The following GLIS3 variants were observed in gnomAD, a reference collection of about 807,000 sequenced individuals.
The protein encoded by GLIS3 is zinc finger protein GLIS3.
GLIS3 carries 53 observed loss-of-function variants against 78.6 expected under a neutral mutation model. The observed-to-expected ratio is 0.67, with a 90% confidence interval of 0.54 to 0.85. GLIS3 has a LOEUF of 0.85. GLIS3 is among the 40% of genes least tolerant of loss of function. GLIS3 has a pLI of 0.00. For missense variants in GLIS3, 1,703 were observed against 1,231.1 expected (o/e 1.38, Z -5.74); for synonymous variants, 684 against 509.9 (o/e 1.34, Z -4.60).
At chr9:4,274,346 G>T (rs1176237546) in intron 2 of GLIS3, among the ~76,000 whole-genome samples, 1 of 152,196 alleles carries the variant, frequency 6.6e-6, no homozygotes, top group African/African-American at 2.4e-5. Context: ...CTCTGGACTT[G>T]TTGGGGTGTT....
rs1587295598 is a variant in GLIS3, at chr9:4,282,847, C to G, written c.388+3191G>C. Among the ~76,000 whole-genome samples the G allele has an allele frequency of 2.0e-5, 3 of 152,262 alleles. 1 individual carries two copies. On this transcript the variant is annotated intron_variant, in intron 2 of 10. Coordinates refer to ENST00000381971, the MANE Select transcript of GLIS3 (RefSeq NM_001042413.2). ...AACCCACAAGAGTCCCATGTTCCATCAGCGTCCTCAAAATGGATCCAAACT... is the reference window on the plus strand; with the variant it reads ...AACCCACAAGAGTCCCATGTTCCATGAGCGTCCTCAAAATGGATCCAAACT...
At chr9:4,113,251 A>G (rs1021223090) in intron 4 of GLIS3, among the ~76,000 whole-genome samples, 1 of 152,118 alleles carries the variant, frequency 6.6e-6, no homozygotes, top group Non-Finnish European at 1.5e-5. Flanking sequence ...TGACTTATCT[A>G]TGGACAGTTA....
intron 4 of GLIS3, among the ~76,000 whole-genome samples, chr9:3,994,946 G>A (rs774459456): frequency 1.2e-4 from 18 of 152,214 alleles, no homozygotes; most frequent in Non-Finnish European, 2.2e-4. Flanking sequence ...GGAGCAGAGA[G>A]CAAGAGTTGG....
At chr9:4,380,804 G>C in the GLIS3 span, among the ~76,000 whole-genome samples, 11 of 152,172 alleles carry the variant, frequency 7.2e-5, no homozygotes, top group South Asian at 4.1e-4. Flanking sequence ...TAAAGTTTTG[G>C]GATGGGAGAT....
intron 4 of GLIS3, among the ~76,000 whole-genome samples, chr9:4,025,603 G>T (rs1823266967): frequency 6.6e-6 from 1 of 152,052 alleles, no homozygotes; most frequent in Admixed American, 6.6e-5. Context: ...TGCCAGGAGG[G>T]TCTGCGTCTC....
intron 8 of GLIS3, among the ~76,000 whole-genome samples, chr9:3,865,626 G>A (rs1175624091): frequency 6.6e-6 from 1 of 152,216 alleles, no homozygotes; most frequent in Non-Finnish European, 1.5e-5. Flanking sequence ...TGCAAGAAGA[G>A]AAATGCTATT....
At chr9:4,484,627 G>C in the GLIS3 span, among the ~76,000 whole-genome samples, 3 of 151,892 alleles carry the variant, frequency 2.0e-5, no homozygotes, top group Admixed American at 2.0e-4. Context: ...ATGTTGGCCA[G>C]GCTAGGCTCG....
chr9:4,142,317 T>A (rs890021310), intron 2 of GLIS3, among the ~76,000 whole-genome samples: 5 of 152,206 alleles, frequency 3.3e-5, no homozygotes, highest in African/African-American at 9.6e-5. Flanking sequence ...ATTCCCTGAA[T>A]AATATACAAA....
intron 2 of GLIS3, among the ~76,000 whole-genome samples, chr9:4,150,524 A>G (rs1266757198): frequency 6.6e-6 from 1 of 152,228 alleles, no homozygotes; most frequent in African/African-American, 2.4e-5. Flanking sequence ...ACAGCCTGGC[A>G]CAAACCAAAT....
intron 2 of GLIS3, among the ~76,000 whole-genome samples, chr9:4,281,798 G>C (rs1436103358): frequency 1.3e-5 from 2 of 152,146 alleles, no homozygotes; most frequent in African/African-American, 4.8e-5. Flanking sequence ...AAGGAACATA[G>C]TGCAACTTAC....
At chr9:4,472,694 CATGTACACCT>C in the GLIS3 span, among the ~76,000 whole-genome samples, 1 of 152,072 alleles carries the variant, frequency 6.6e-6, no homozygotes, top group Admixed American at 6.5e-5. Context: ...CAACATGGCA[CATGTACACCT>C]ATGTAACAAA....
intron 4 of GLIS3, among the ~76,000 whole-genome samples, chr9:4,112,033 C>A (rs941302754): frequency 6.6e-6 from 1 of 152,140 alleles, no homozygotes; most frequent in African/African-American, 2.4e-5. Context: ...TGAAAGTCTG[C>A]ATTGTGTTTG....
chr9:4,219,580 C>T (rs902891104), intron 2 of GLIS3, among the ~76,000 whole-genome samples: 10 of 152,194 alleles, frequency 6.6e-5, no homozygotes, highest in Non-Finnish European at 2.9e-5. Context: ...ATTTGGAACA[C>T]AGTCACATCT....
chr9:4,216,013 C>T (rs1156776458), intron 2 of GLIS3, among the ~76,000 whole-genome samples: 1 of 152,122 alleles, frequency 6.6e-6, no homozygotes, highest in Non-Finnish European at 1.5e-5. Flanking sequence ...GGCTGATGGT[C>T]CAGTTGCGGC....
At chr9:4,108,252 C>A (rs1025069151) in intron 4 of GLIS3, among the ~76,000 whole-genome samples, 1 of 152,112 alleles carries the variant, frequency 6.6e-6, no homozygotes, top group Non-Finnish European at 1.5e-5. Flanking sequence ...AATGTAGATA[C>A]CCTTGGGAGA....
At chr9:4,343,811 A>G (rs577047476) in intron 2 of GLIS3, among the ~76,000 whole-genome samples, 1 of 152,326 alleles carries the variant, frequency 6.6e-6, no homozygotes, top group South Asian at 2.1e-4. Context: ...AATTAACTCA[A>G]GAACAGAAAA....
the GLIS3 span, among the ~76,000 whole-genome samples, chr9:4,366,367 C>G: frequency 4.6e-5 from 7 of 152,078 alleles, no homozygotes; most frequent in South Asian, 2.1e-4. Flanking sequence ...TCCAAGGCAA[C>G]GAGTTAAAAC....
chr9:4,466,731 G>A, the GLIS3 span, among the ~76,000 whole-genome samples: 3 of 152,156 alleles, frequency 2.0e-5, no homozygotes, highest in Non-Finnish European at 2.9e-5. Context: ...CGCAGAAGAT[G>A]GGTGATTTCT....
chr9:3,913,420 T>C (rs2130693892), intron 6 of GLIS3, among the ~76,000 whole-genome samples: 1 of 152,338 alleles, frequency 6.6e-6, no homozygotes, highest in Admixed American at 6.5e-5. Flanking sequence ...CTCAAATTCA[T>C]GGGCTTTAAC....
Sources: gnomAD v4.1 joint callset for allele counts (sites outside exome capture counted in the v4.1 genomes callset) on GRCh38, gnomAD v4.1.1 for gene constraint, MANE v1.5 for transcripts, NCBI Gene and HGNC (gene_info 2026-07-23, HGNC 2026-07-21) for gene names.